Variants in CAMSAP2 observed in about 807,000 individuals in gnomAD.
CAMSAP2 encodes calmodulin regulated spectrin associated protein family member 2, also known as calmodulin-regulated spectrin-associated protein 2.
CAMSAP2 carries 26 observed loss-of-function variants against 146.1 expected under a neutral mutation model. The ratio of observed to expected loss-of-function variants is 0.18; its 90% CI spans 0.13 to 0.25. CAMSAP2 has a LOEUF of 0.25. Ranked by LOEUF, CAMSAP2 falls within the 10% of genes least tolerant of loss-of-function variation. The pLI is 1.00. For synonymous variants in CAMSAP2, 499 were observed against 596.6 expected, an observed-to-expected ratio of 0.84 and a Z score of 2.38; for missense variants, 1,381 against 1,759.3, an observed-to-expected ratio of 0.78 and a Z score of 3.85.
At chr1:200,834,964 A>C (rs1667148540) in intron 6 of CAMSAP2, among the ~76,000 whole-genome samples, 1 of 152,242 alleles carries the variant, frequency 6.6e-6, no homozygotes, top group Non-Finnish European at 1.5e-5. Context: ...TTAAAGGTTA[A>C]AAAAGAGTGT....
At position 200,832,866 on chromosome 1, in the gene CAMSAP2, T is replaced by C; in HGVS notation, c.927+21T>C. On this transcript the variant is annotated intron_variant, in intron 6 of 16. Coordinates refer to ENST00000358823, the MANE Select transcript of CAMSAP2 (RefSeq NM_203459.4). This position sits in a 1 kb window ranked among gnomAD's most constrained non-coding sequence, Gnocchi z 4.2. ...TAAAGGTAAATTAAATTATTCTTTT[T>C]TTCCCTTTGCTTTGTTAAAATATGT... 6.5e-7 allele frequency: 1 copy of C among 1,547,104 alleles called. No homozygotes were observed. The highest frequency in any genetic ancestry group is 2.3e-5 in the East Asian group (1 of 42,824).
intron 2 of CAMSAP2, among the ~76,000 whole-genome samples, chr1:200,775,840 G>A (rs755593555): frequency 6.6e-6 from 1 of 152,108 alleles, no homozygotes; most frequent in Non-Finnish European, 1.5e-5. Flanking sequence ...CAGAATGTTT[G>A]TATTTTAATG....
At chr1:200,807,723 A>G (rs1666217413) in intron 3 of CAMSAP2, among the ~76,000 whole-genome samples, 186 bp downstream of exon 3, 1 of 151,898 alleles carries the variant, frequency 6.6e-6, no homozygotes, top group Admixed American at 6.6e-5. Context: ...TATACTTAGC[A>G]ATATTTATGA....
At chr1:200,830,497 G>A (rs1315236826) in intron 4 of CAMSAP2, among the ~76,000 whole-genome samples, 1 of 152,220 alleles carries the variant, frequency 6.6e-6, no homozygotes, top group Non-Finnish European at 1.5e-5. Flanking sequence ...CAATTTTGAG[G>A]ATGTCCAAGA....
chr1:200,854,963 ATTCTT>A, intron 14 of CAMSAP2, 74 bp downstream of exon 14: 1 of 1,121,072 alleles, frequency 8.9e-7, no homozygotes, highest in Non-Finnish European at 1.3e-6. Context: ...CTAAGTAAAA[ATTCTT>A]CAGTGTTTTT....
intron 2 of CAMSAP2, among the ~76,000 whole-genome samples, chr1:200,773,995 T>C (rs1283447613): frequency 1.3e-5 from 2 of 152,094 alleles, no homozygotes; most frequent in Non-Finnish European, 2.9e-5. Flanking sequence ...GTAGGTTTGG[T>C]ATTAAAACTA....
Position 200,811,840 on chromosome 1 carries a change from T to C in CAMSAP2, c.562-3721T>C, listed in dbSNP as rs149107042. ...ACCTAACCTGACCCTGTGTACTCCA[T>C]TGTAGGCTCATGGCCACTGTTCCCC... On this transcript the variant is annotated intron_variant, in intron 3 of 16. Coordinates refer to ENST00000358823, the MANE Select transcript of CAMSAP2 (RefSeq NM_203459.4). 5.1e-3 allele frequency among the ~76,000 whole-genome samples: 773 copies of C among 152,310 alleles called. 10 individuals carry two copies. The highest frequency in any genetic ancestry group is 0.018 in the African/African-American group (743 of 41,570).
intron 1 of CAMSAP2, among the ~76,000 whole-genome samples, chr1:200,749,776 G>A (rs538918456): frequency 1.9e-4 from 29 of 152,272 alleles, no homozygotes; most frequent in Non-Finnish European, 4.0e-4. Context: ...GAGATACAGG[G>A]AAAGCAGGAT....
rs755794621 is a variant in CAMSAP2, at chr1:200,850,191, A to G, written c.3422A>G (p.Gln1141Arg). 1.9e-6 allele frequency: 3 copies of G among 1,601,098 alleles called. No individual in the cohort carries two copies. The East Asian group carries it at 6.7e-5, about 36-fold the overall frequency. ...EKYDGESDKE[Q>R]FDDDQKVCCG... is the part of the protein sequence containing the mutation. ...TATGATGGAGAAAGTGATAAAGAACAATTTGATGATGACCAGAAAGTATGC... is the reference window on the plus strand; with the variant it reads ...TATGATGGAGAAAGTGATAAAGAACGATTTGATGATGACCAGAAAGTATGC... Residue 1141 changes from glutamine (Q) to arginine (R), a missense_variant, in exon 11 of 17, where the codon CAA becomes CGA. This residue lies in a region of CAMSAP2 where 560 missense variants were observed against 715.9 expected (regional missense o/e 0.78). Transcript: ENST00000358823.
Position 200,832,861 on chromosome 1 carries a change from C to G in CAMSAP2, c.927+16C>G, listed in dbSNP as rs754324221. Reference sequence around the variant, plus strand: ...ATCCATAAAGGTAAATTAAATTATTCTTTTTTTCCCTTTGCTTTGTTAAAA... The same window carrying G: ...ATCCATAAAGGTAAATTAAATTATTGTTTTTTTCCCTTTGCTTTGTTAAAA... On this transcript the variant is annotated intron_variant, in intron 6 of 16. Transcript: ENST00000358823. The surrounding 1 kb of genome is among the most constrained non-coding windows in gnomAD (Gnocchi z 4.2). The G allele has an allele frequency of 1.9e-6, 3 of 1,543,538 alleles. No individual in the cohort carries two copies. The highest frequency in any genetic ancestry group is 2.6e-6 in the Non-Finnish European group (3 of 1,147,594).
intron 2 of CAMSAP2, among the ~76,000 whole-genome samples, chr1:200,804,102 A>G (rs899447630): frequency 1.3e-5 from 2 of 151,652 alleles, no homozygotes; most frequent in African/African-American, 4.8e-5. Flanking sequence ...AATTTTTTGT[A>G]TTTTTAGTAG....
intron 7 of CAMSAP2, among the ~76,000 whole-genome samples, chr1:200,842,315 T>G (rs1241213239): frequency 1.3e-5 from 2 of 152,212 alleles, no homozygotes; most frequent in African/African-American, 2.4e-5. Flanking sequence ...AACTTTTAGC[T>G]TTAACTGTCC....
intron 4 of CAMSAP2, among the ~76,000 whole-genome samples, chr1:200,823,960 C>T (rs868839148): frequency 3.9e-5 from 6 of 152,132 alleles, no homozygotes; most frequent in Admixed American, 2.0e-4. Flanking sequence ...TCTAATACTG[C>T]GTTGTTTATT....
intron 2 of CAMSAP2, among the ~76,000 whole-genome samples, chr1:200,769,013 T>C (rs191020970): frequency 6.6e-6 from 1 of 152,138 alleles, no homozygotes; most frequent in Non-Finnish European, 1.5e-5. Context: ...ATTGGGAGAT[T>C]AGGAAGAGAA....
chr1:200,856,097 T>C lies in CAMSAP2; in HGVS notation c.3984T>C (p.Ser1328=), dbSNP rs776290354. 1.2e-6 allele frequency: 2 copies of C among 1,613,046 alleles called. No individual in the cohort carries two copies. The highest frequency in any genetic ancestry group is 1.7e-5 in the Admixed American group (1 of 60,020). The change falls in exon 15 of 17, where the codon TCT becomes TCC. Residue 1328 remains serine, a synonymous_variant. Coordinates refer to ENST00000358823, the MANE Select transcript of CAMSAP2 (RefSeq NM_203459.4). ...EKDWENASTT[S]SVASGTEYTG... is the part of the protein sequence containing the mutation. ...ACTGGGAGAATGCATCAACAACTTC[T>C]TCAGTGGCTTCTGGAACAGAATATA... is the stretch of plus-strand genomic sequence containing the variant.
At chr1:200,786,970 T>C (rs6680058) in intron 2 of CAMSAP2, among the ~76,000 whole-genome samples, 15,288 of 149,506 alleles carry the variant, frequency 0.1, 871 homozygotes, top group Middle Eastern at 0.14. Flanking sequence ...CATCTATTTA[T>C]AGCATGGTTT....
intron 2 of CAMSAP2, among the ~76,000 whole-genome samples, chr1:200,795,212 T>C (rs1354295720): frequency 1.3e-5 from 2 of 152,320 alleles, no homozygotes; most frequent in Non-Finnish European, 1.5e-5. Context: ...CCTGGACTTG[T>C]TGGGTAGGCC....
chr1:200,859,191 A>G lies in CAMSAP2; in HGVS notation c.*1132A>G, dbSNP rs577202016. ...CATGATCTTTGTTCTTTAACAGTGT[A>G]TACCAGAGGGTTAGTTGGGGAAAAA... On this transcript the variant is annotated 3_prime_UTR_variant, in exon 17 of 17. Transcript: ENST00000358823. 6.5e-6 allele frequency: 1 copy of G among 152,750 alleles called. No individual in the cohort carries two copies. The highest frequency in any genetic ancestry group is 2.4e-5 in the African/African-American group (1 of 41,556). 9.5% of individuals were successfully genotyped at this position (152,750 alleles called of 1,614,324 possible). A position where few individuals can be genotyped will look rare whatever the true frequency, so the allele number is the denominator to read the frequency against.
At chr1:200,801,421 C>A (rs191336324) in intron 2 of CAMSAP2, among the ~76,000 whole-genome samples, 3 of 152,088 alleles carry the variant, frequency 2.0e-5, no homozygotes, top group Non-Finnish European at 4.4e-5. Flanking sequence ...TGGGGTTGCA[C>A]TTCTCGAGGA....
Sources: gnomAD v4.1 joint callset for allele counts (sites outside exome capture counted in the v4.1 genomes callset) on GRCh38, gnomAD v4.1.1 for gene constraint, gnomAD v4.1.1 regional missense constraint, Gnocchi (gnomAD v3.1) non-coding constraint, MANE v1.5 for transcripts, NCBI Gene and HGNC (gene_info 2026-07-23, HGNC 2026-07-21) for gene names.